FGR: variants seen among roughly 807,000 people sequenced by gnomAD.
The protein encoded by FGR is tyrosine-protein kinase Fgr.
A neutral mutation model predicts 63.2 loss-of-function variants in FGR; 26 were observed. That is an observed-to-expected ratio of 0.41 (90% CI 0.30 to 0.57). FGR has a LOEUF of 0.57. Among genes scored for constraint, FGR ranks in the 20% least tolerant of loss-of-function variants. FGR has a pLI of 0.27. For synonymous variants in FGR, 286 were observed against 277.7 expected, an observed-to-expected ratio of 1.03 and a Z score of -0.30; for missense variants, 511 against 690.8, an observed-to-expected ratio of 0.74 and a Z score of 2.92.
chr1:27,628,138 C>A (rs1454305647), intron 1 of FGR, among the ~76,000 whole-genome samples: 1 of 149,748 alleles, frequency 6.7e-6, no homozygotes, highest in Non-Finnish European at 1.5e-5. Flanking sequence ...CCTGTCACTG[C>A]ACTCCAGCCT....
At position 27,613,388 on chromosome 1, in the gene FGR, G is replaced by T. The variant is rs766452474; in HGVS notation, c.1250-38C>A. 1.9e-6 allele frequency: 3 copies of T among 1,607,152 alleles called. No homozygotes were observed. In the South Asian group the frequency reaches 3.3e-5, roughly 18 times the overall value. On this transcript the variant is annotated intron_variant, in intron 11 of 12. Coordinates refer to ENST00000374005, the MANE Select transcript of FGR (RefSeq NM_005248.3). Reference sequence around the variant, plus strand: ...GGGGAGCAGGGAAAGTTAGTGAGGGGGTCCCTGGAAACAGCTGGATTAAGA... The same window carrying T: ...GGGGAGCAGGGAAAGTTAGTGAGGGTGTCCCTGGAAACAGCTGGATTAAGA...
rs768167966 is a variant in FGR, at chr1:27,623,731, G to A, written c.186C>T (p.Asn62=). 5.6e-6 allele frequency: 9 copies of A among 1,614,212 alleles called. No homozygotes were observed. In the South Asian group the frequency reaches 8.8e-5, roughly 16 times the overall value. The change falls in exon 3 of 13, where the codon AAC becomes AAT. Residue 62 remains asparagine, a synonymous_variant. Transcript: ENST00000374005. ...TGGTGCCACTATCAAGGAAGCCAGG[G>A]TTGATGGCCTGAGAGGAGAAGTTGC... ...NYSNFSSQAI[N]PGFLDSGTIR...
Position 27,623,528 on chromosome 1 carries a change from A to T in FGR, c.226+163T>A, listed in dbSNP as rs1425204224. 6.7e-6 allele frequency: 5 copies of T among 747,944 alleles called. No individual in the cohort carries two copies. The East Asian group carries it at 1.3e-4, about 20-fold the overall frequency. 46.3% of individuals were successfully genotyped at this position (747,944 alleles called of 1,614,324 possible). A position where few individuals can be genotyped will look rare whatever the true frequency, so the allele number is the denominator to read the frequency against. ...CCTCCCCTGCAGACTGTGGTTTCTGATGGGAGGGCTGTACAGACTCCCTCA... is the reference window on the plus strand; with the variant it reads ...CCTCCCCTGCAGACTGTGGTTTCTGTTGGGAGGGCTGTACAGACTCCCTCA... On this transcript the variant is annotated intron_variant, in intron 3 of 12. Transcript: ENST00000374005.
At position 27,615,642 on chromosome 1, in the gene FGR, T is replaced by G; in HGVS notation, c.839-29A>C. On this transcript the variant is annotated intron_variant, in intron 8 of 12. Coordinates refer to ENST00000374005, the MANE Select transcript of FGR (RefSeq NM_005248.3). The surrounding 1 kb of genome is among the most constrained non-coding windows in gnomAD (Gnocchi z 7.6). ...CTCGGAGGCTGTCTTGTCAGGACCC[T>G]CTCCCCCGAGCCCAGGCCCTCGTCC... 6.3e-7 allele frequency: 1 copy of G among 1,595,696 alleles called. No homozygotes were observed. Among genetic ancestry groups the G allele is most frequent in the South Asian group, 1.1e-5 (1 of 90,400 alleles).
intron 2 of FGR, among the ~76,000 whole-genome samples, chr1:27,624,723 G>A (rs968711768): frequency 6.6e-5 from 10 of 152,128 alleles, no homozygotes; most frequent in African/African-American, 2.4e-4. Context: ...GTGCCTGTCT[G>A]TGTGAGTGGG....
At chr1:27,624,796 C>T (rs1273251950) in intron 2 of FGR, among the ~76,000 whole-genome samples, 1 of 151,880 alleles carries the variant, frequency 6.6e-6, no homozygotes, top group East Asian at 1.9e-4. Flanking sequence ...GTGTGCCTGT[C>T]TCTGGATGTG....
chr1:27,622,268 G>A (rs2089943148), intron 4 of FGR, among the ~76,000 whole-genome samples: 1 of 133,212 alleles, frequency 7.5e-6, no homozygotes, highest in Non-Finnish European at 1.5e-5. Context: ...CAGCCCGGGA[G>A]ACAGAGCGAG....
In FGR at chr1:27,623,831, C is replaced by G; in HGVS notation, c.86G>C (p.Gly29Ala). The change falls in exon 3 of 13, where the codon GGG (glycine) becomes GCG (alanine). Residue 29 changes from glycine to alanine, a missense_variant. Coordinates refer to ENST00000374005, the MANE Select transcript of FGR (RefSeq NM_005248.3). ...GTCAGGCCCATAGTGGTCTGCTGCCCCGTAGCTTCTGAAGTCCCCTTCCAG... is the reference window on the plus strand; with the variant it reads ...GTCAGGCCCATAGTGGTCTGCTGCCGCGTAGCTTCTGAAGTCCCCTTCCAG... Reference protein sequence around the residue: ...AGLEGDFRSYGAADHYGPDPT... With the variant: ...AGLEGDFRSYAAADHYGPDPT... The G allele has an allele frequency of 6.2e-7, 1 of 1,614,166 alleles. No homozygotes were observed. Among genetic ancestry groups the G allele is most frequent in the Non-Finnish European group, 8.5e-7 (1 of 1,179,978 alleles).
Position 27,617,907 on chromosome 1 carries a change from C to T in FGR, c.429-611G>A, listed in dbSNP as rs148956570. Among the ~76,000 whole-genome samples, 2 of 152,338 alleles carry T rather than the reference C, an allele frequency of 1.3e-5. No homozygotes were observed. The highest frequency in any genetic ancestry group is 1.9e-4 in the East Asian group (1 of 5,188). On this transcript the variant is annotated intron_variant, in intron 5 of 12. Transcript: ENST00000374005. This position sits in a 1 kb window ranked among gnomAD's most constrained non-coding sequence, Gnocchi z 4.5. ...CTAAACTTCAACCTCAGGCCTCAAT[C>T]ACTCCTCTCCCTTGGGGATTCTTTC... is the stretch of plus-strand genomic sequence containing the variant.
chr1:27,629,149 A>G, intron 1 of FGR, among the ~76,000 whole-genome samples: 1 of 152,064 alleles, frequency 6.6e-6, no homozygotes, highest in African/African-American at 2.4e-5. Context: ...AGACAGAGAG[A>G]TAGAAGGAAG....
chr1:27,620,427 A>G (rs886151776), intron 5 of FGR, among the ~76,000 whole-genome samples: 4 of 152,126 alleles, frequency 2.6e-5, no homozygotes, highest in African/African-American at 9.7e-5. Context: ...CAGCCTGAGC[A>G]ACATAGCAAG....
intron 10 of FGR, 42 bp from the exon 11 acceptor site, chr1:27,614,625 T>C (rs1293850515): frequency 6.2e-7 from 1 of 1,605,220 alleles, no homozygotes; most frequent in Non-Finnish European, 8.5e-7. Flanking sequence ...TCATGTGGAC[T>C]CACAACACCG....
intron 1 of FGR, among the ~76,000 whole-genome samples, chr1:27,630,100 T>C (rs2090083781): frequency 6.6e-6 from 1 of 152,230 alleles, no homozygotes; most frequent in South Asian, 2.1e-4. Flanking sequence ...TTGCCCAGGC[T>C]GGAGTAAAGT....
At chr1:27,627,842 C>T (rs1325128693) in intron 1 of FGR, among the ~76,000 whole-genome samples, 2 of 152,160 alleles carry the variant, frequency 1.3e-5, no homozygotes, top group African/African-American at 4.8e-5. Context: ...TTCCTGACCT[C>T]AAGTGATCCA....
intron 5 of FGR, among the ~76,000 whole-genome samples, chr1:27,618,104 C>G (rs1318454537): frequency 1.3e-5 from 2 of 151,948 alleles, no homozygotes; most frequent in Non-Finnish European, 2.9e-5. Flanking sequence ...CTCAGTGGAC[C>G]CTGGGAAGGT....
In FGR at chr1:27,623,068, G is replaced by A. The variant is rs745841299; in HGVS notation, c.303C>T (p.Gly101=). The change falls in exon 4 of 13, where the codon GGC becomes GGT. Residue 101 remains glycine, a synonymous_variant. Transcript: ENST00000374005. ...TATTGTTCAGGATGTGGAACTTCTC[G>A]CCCTTGGTGAAGGTGAGGTCATCCT... ...RTEDDLTFTK[G]EKFHILNNTE... 4 of 1,613,964 alleles carry A rather than the reference G, an allele frequency of 2.5e-6. No individual in the cohort carries two copies. Among genetic ancestry groups the A allele is most frequent in the Non-Finnish European group, 3.4e-6 (4 of 1,179,846 alleles).
rs1233719919 is a variant in FGR, at chr1:27,617,002, G to A, written c.537C>T (p.Ala179=). The A allele has an allele frequency of 3.7e-6, 6 of 1,614,178 alleles. No homozygotes were observed. Among genetic ancestry groups the A allele is most frequent in the Non-Finnish European group, 5.1e-6 (6 of 1,180,030 alleles). Residue 179 remains alanine (A), a synonymous_variant, in exon 7 of 13, where the codon GCC becomes GCT. Transcript: ENST00000374005. This position sits in a 1 kb window ranked among gnomAD's most constrained non-coding sequence, Gnocchi z 4.5. Reference sequence around the variant, plus strand: ...CCCAGTCCCGGATGGACAGGGAGTAGGCACCTGTGGAGAGGATCACTTTTG... The same window carrying A: ...CCCAGTCCCGGATGGACAGGGAGTAAGCACCTGTGGAGAGGATCACTTTTG... The part of the protein sequence containing the change: ...LIRESETTKG[A]YSLSIRDWDQ...
intron 1 of FGR, among the ~76,000 whole-genome samples, chr1:27,633,165 G>T (rs551377201): frequency 1.3e-5 from 2 of 152,130 alleles, no homozygotes; most frequent in Non-Finnish European, 2.9e-5. Flanking sequence ...CCTCCTCCCC[G>T]GAGGGTACAT....
At chr1:27,623,631 T>C (rs2089969732) in intron 3 of FGR, 60 bp downstream of exon 3, 1 of 1,564,962 alleles carries the variant, frequency 6.4e-7, no homozygotes, top group African/African-American at 1.3e-5. Context: ...GCATCTCTTC[T>C]TCTTCCCTCA....
Sources: gnomAD v4.1 joint callset for allele counts (sites outside exome capture counted in the v4.1 genomes callset) on GRCh38, gnomAD v4.1.1 for gene constraint, Gnocchi (gnomAD v3.1) non-coding constraint, MANE v1.5 for transcripts, NCBI Gene and HGNC (gene_info 2026-07-23, HGNC 2026-07-21) for gene names.